The following SDK2 variants were observed in gnomAD, a reference collection of about 807,000 sequenced individuals.
SDK2 encodes protein sidekick-2.
Under a neutral mutation model 253.9 loss-of-function variants are expected in SDK2, and 105 were observed. That is an observed-to-expected ratio of 0.41 (90% confidence interval 0.35 to 0.49). The LOEUF (loss-of-function observed/expected upper bound fraction) is 0.49. SDK2 is among the 20% of genes least tolerant of loss of function. The pLI is 0.06. For synonymous variants in SDK2, 1,249 were observed against 1,234.9 expected, an observed-to-expected ratio of 1.01 and a Z score of -0.24; for missense variants, 2,608 against 3,003.0, an observed-to-expected ratio of 0.87 and a Z score of 3.07.
intron 2 of SDK2, among the ~76,000 whole-genome samples, chr17:73,483,677 ATATATT>A (rs1437038856): frequency 0.036 from 2,273 of 63,294 alleles, 181 homozygotes; most frequent in Non-Finnish European, 0.041. Flanking sequence ...ATATATATAT[ATATATT>A]TATATATATA....
chr17:73,455,812 C>A lies in SDK2; in HGVS notation c.479+94G>T. 2 of 1,364,554 alleles carry A rather than the reference C, an allele frequency of 1.5e-6. No homozygotes were observed. The highest frequency in any genetic ancestry group is 1.9e-6 in the Non-Finnish European group (2 of 1,027,840). The allele number at this position is 1,364,554 out of a possible 1,614,324, so 84.5% of individuals were successfully genotyped here. ...GCTGAAAGGGGCTTCTGCACAAAGG[C>A]CCTCCTCCACACTCAAGGGAGACTT... On this transcript the variant is annotated intron_variant, in intron 4 of 44. Transcript: ENST00000392650. The surrounding 1 kb of genome is among the most constrained non-coding windows in gnomAD (Gnocchi z 5.0).
chr17:73,575,561 G>A (rs769311621), intron 1 of SDK2, among the ~76,000 whole-genome samples: 23 of 152,220 alleles, frequency 1.5e-4, no homozygotes, highest in Admixed American at 2.6e-4. Context: ...TAATCTCTCC[G>A]TGCCAGTCTG....
chr17:73,522,139 G>A (rs2064084700), intron 1 of SDK2, among the ~76,000 whole-genome samples: 2 of 145,974 alleles, frequency 1.4e-5, no homozygotes, highest in African/African-American at 4.9e-5. Flanking sequence ...CCTTCCACAA[G>A]GCCGGTGTCA....
rs2063521596 is a variant in SDK2 at position 73,455,819 on chromosome 17, C to T, written c.479+87G>A. 2.1e-6 allele frequency: 3 copies of T among 1,409,328 alleles called. No individual in the cohort carries two copies. The highest frequency in any genetic ancestry group is 2.8e-6 in the Non-Finnish European group (3 of 1,063,502). 87.3% of individuals were successfully genotyped at this position (1,409,328 alleles called of 1,614,324 possible). ...GGGGCTTCTGCACAAAGGCCCTCCT[C>T]CACACTCAAGGGAGACTTTATCTGG... On this transcript the variant is annotated intron_variant, in intron 4 of 44. Transcript: ENST00000392650. This position sits in a 1 kb window ranked among gnomAD's most constrained non-coding sequence, Gnocchi z 5.0.
intron 44 of SDK2, among the ~76,000 whole-genome samples, chr17:73,342,173 C>T (rs2062442992): frequency 6.6e-6 from 1 of 151,710 alleles, no homozygotes; most frequent in African/African-American, 2.4e-5. Context: ...CCCTCCCTCT[C>T]CTCACCCCTC....
At chr17:73,611,245 T>G (rs993138986) in intron 1 of SDK2, among the ~76,000 whole-genome samples, 2 of 152,196 alleles carry the variant, frequency 1.3e-5, no homozygotes, top group Non-Finnish European at 1.5e-5. Flanking sequence ...CTGCCCCCAC[T>G]GCTGATGGAC....
chr17:73,472,394 T>C (rs1197409950), intron 2 of SDK2, among the ~76,000 whole-genome samples, 176 bp from the exon 3 acceptor site: 1 of 152,172 alleles, frequency 6.6e-6, no homozygotes, highest in Non-Finnish European at 1.5e-5. Context: ...TATCAATAAA[T>C]AGGAGGGTTC....
chr17:73,584,577 A>G (rs1001980728), intron 1 of SDK2, among the ~76,000 whole-genome samples: 4 of 152,182 alleles, frequency 2.6e-5, no homozygotes, highest in African/African-American at 9.7e-5. Flanking sequence ...GTACCCAGGG[A>G]GCACCTTCTG....
chr17:73,551,939 A>G (rs1243262054), intron 1 of SDK2, among the ~76,000 whole-genome samples: 1 of 152,156 alleles, frequency 6.6e-6, no homozygotes, highest in Non-Finnish European at 1.5e-5. Context: ...AGAGGGCACT[A>G]GATTCAGGGG....
chr17:73,348,468 G>A (rs2145389347), intron 44 of SDK2, 131 bp downstream of exon 44: 2 of 1,118,566 alleles, frequency 1.8e-6, no homozygotes, highest in Non-Finnish European at 2.5e-6. Flanking sequence ...TGACTTCAGG[G>A]TGGTTTCTTG....
At position 73,392,031 on chromosome 17, in the gene SDK2, C is replaced by T. The variant is rs74975557; in HGVS notation, c.3899-493G>A. 6.8e-3 allele frequency among the ~76,000 whole-genome samples: 1,043 copies of T among 152,286 alleles called. 9 individuals are homozygous for T. Among genetic ancestry groups the T allele is most frequent in the African/African-American group, 0.024 (1,000 of 41,558 alleles). On this transcript the variant is annotated intron_variant, in intron 27 of 44. Coordinates refer to ENST00000392650, the MANE Select transcript of SDK2 (RefSeq NM_001144952.2). ...TGCCCAGAGAGGCCTAAGCACGCTTCCAGAGGCTGCATGGGCCTCGTCCCC... is the reference window on the plus strand; with the variant it reads ...TGCCCAGAGAGGCCTAAGCACGCTTTCAGAGGCTGCATGGGCCTCGTCCCC...
Position 73,352,560 on chromosome 17 carries a change from T to C in SDK2, c.5671A>G (p.Lys1891Glu). The C allele has an allele frequency of 6.2e-7, 1 of 1,614,046 alleles. No individual in the cohort carries two copies. Among genetic ancestry groups the C allele is most frequent in the South Asian group, 1.1e-5 (1 of 91,090 alleles). ...CGGAAGTCATAGCTCACGCCCGGCT[T>C]CAGGATGTCCATGCTGAACGTGTAG... ...SSYTFSMDIL[K>E]PGVSYDFRVI... The change falls in exon 41 of 45, where the codon AAG becomes GAG. Residue 1891 changes from lysine (K) to glutamate (E), a missense_variant. This residue lies in a region of SDK2 where 1,103 missense variants were observed against 1,143.9 expected (regional missense o/e 0.96). Coordinates refer to ENST00000392650, the MANE Select transcript of SDK2 (RefSeq NM_001144952.2). This position sits in a 1 kb window ranked among gnomAD's most constrained non-coding sequence, Gnocchi z 4.1.
At position 73,581,684 on chromosome 17, in the gene SDK2, C is replaced by G. The variant is rs1372042734; in HGVS notation, c.64+62341G>C. Among the ~76,000 whole-genome samples the G allele has an allele frequency of 2.0e-5, 3 of 152,250 alleles. No individual in the cohort carries two copies. The East Asian group carries it at 5.8e-4, about 29-fold the overall frequency. ...AACACTCTCGGAATGCCAGCCTTGC[C>G]CAGGGCTTTTCTCAAAGGACACCTC... On this transcript the variant is annotated intron_variant, in intron 1 of 44. Coordinates refer to ENST00000392650, the MANE Select transcript of SDK2 (RefSeq NM_001144952.2).
intron 3 of SDK2, among the ~76,000 whole-genome samples, chr17:73,471,854 C>T (rs1403694859): frequency 2.0e-5 from 3 of 152,184 alleles, no homozygotes; most frequent in East Asian, 1.9e-4. Context: ...TCTTGGCTCT[C>T]GGGACATGTG....
chr17:73,388,421 G>A (rs1427561449), intron 29 of SDK2, among the ~76,000 whole-genome samples: 7 of 152,314 alleles, frequency 4.6e-5, no homozygotes, highest in South Asian at 2.1e-4. Context: ...TACGAGAAGC[G>A]CTGCTTCATT....
Position 73,423,434 on chromosome 17 carries a change from CA to C in SDK2, c.1848del (p.Phe616LeufsTer7). ...TAGCGGATCAGGGGGCTGTTGCCAT[CA>C]AAGGGCTTGGTCCACGTCAGGTTGA... The part of the protein sequence containing the change: ...RAINLTWTKP[F>X]DGNSPLIRYI... On this transcript the variant is annotated frameshift_variant, in exon 14 of 45. Transcript: ENST00000392650. LOFTEE classifies it high-confidence loss of function. 1 of 1,577,564 alleles carries C rather than the reference CA, an allele frequency of 6.3e-7. No individual in the cohort carries two copies. Among genetic ancestry groups the C allele is most frequent in the South Asian group, 1.2e-5 (1 of 85,206 alleles).
chr17:73,430,589 G>A lies in SDK2; in HGVS notation c.1505C>T (p.Pro502Leu). The A allele has an allele frequency of 6.3e-7, 1 of 1,584,408 alleles. No homozygotes were observed. Among genetic ancestry groups the A allele is most frequent in the South Asian group, 1.1e-5 (1 of 87,956 alleles). The change falls in exon 12 of 45, where the codon CCC (proline) becomes CTC (leucine). Residue 502 changes from proline to leucine, a missense_variant. Transcript: ENST00000392650. The part of the protein sequence containing the change: ...VWARTRITKP[P>L]QDQSVIKGTQ... Reference sequence around the variant, plus strand: ...GCCCTTGATGACACTCTGATCCTGGGGGGGCTTGGTGATGCGGGTCCGAGC... The same window carrying A: ...GCCCTTGATGACACTCTGATCCTGGAGGGGCTTGGTGATGCGGGTCCGAGC...
intron 3 of SDK2, 111 bp from the exon 4 acceptor site, chr17:73,456,164 G>A: frequency 8.2e-7 from 1 of 1,223,368 alleles, no homozygotes; most frequent in Non-Finnish European, 1.1e-6. Flanking sequence ...GGGCAGACAG[G>A]ATGACCACAG....
Position 73,379,542 on chromosome 17 carries a change from G to T in SDK2, c.4770C>A (p.Asn1590Lys). Residue 1590 changes from asparagine to lysine, a missense_variant, in exon 35 of 45, where the codon AAC (asparagine) becomes AAA (lysine). This residue lies in a region of SDK2 where 1,103 missense variants were observed against 1,143.9 expected (regional missense o/e 0.96). Coordinates refer to ENST00000392650, the MANE Select transcript of SDK2 (RefSeq NM_001144952.2). This position sits in a 1 kb window ranked among gnomAD's most constrained non-coding sequence, Gnocchi z 4.5. ...SLTQYELDNL[N>K]KHRRYEIRMS... Reference sequence around the variant, plus strand: ...TCCGTATCTCGTACCGCCTGTGCTTGTTCAGGTCTGTGGGGGAGAGTGGGG... The same window carrying T: ...TCCGTATCTCGTACCGCCTGTGCTTTTTCAGGTCTGTGGGGGAGAGTGGGG... The T allele has an allele frequency of 6.2e-7, 1 of 1,609,520 alleles. No homozygotes were observed. The highest frequency in any genetic ancestry group is 8.5e-7 in the Non-Finnish European group (1 of 1,177,198).
Sources: allele counts gnomAD v4.1 joint callset (sites outside exome capture counted in the v4.1 genomes callset), GRCh38; gene constraint gnomAD v4.1.1; regional missense constraint gnomAD v4.1.1; non-coding constraint Gnocchi (gnomAD v3.1); transcripts MANE v1.5; gene names NCBI Gene and HGNC (gene_info 2026-07-23, HGNC 2026-07-21).